NEK9: variants seen among roughly 807,000 people sequenced by gnomAD.
NEK9 encodes the protein serine/threonine-protein kinase Nek9.
A neutral mutation model predicts 123.4 loss-of-function variants in NEK9; 75 were observed. That is an observed-to-expected ratio of 0.61 (90% CI 0.50 to 0.74). NEK9 has a LOEUF of 0.74. NEK9 is among the 30% of genes least tolerant of loss of function. NEK9 has a pLI of 0.00. For missense variants in NEK9, 952 were observed against 1,214.4 expected (o/e 0.78, Z 3.21); for synonymous variants, 438 against 458.7 (o/e 0.95, Z 0.58).
In NEK9 at chr14:75,121,158, G is replaced by C; in HGVS notation, c.414C>G (p.Asp138Glu). Reference protein sequence around the residue: ...LEYCNGGNLYDKILRQKDKLF... With the variant: ...LEYCNGGNLYEKILRQKDKLF... ...ACTTGTCCTTCTGACGAAGGATTTT[G>C]TCATACAGGTTCCCTCCTGCAATTA... The change falls in exon 3 of 22, where the codon GAC becomes GAG. Residue 138 changes from aspartate (D) to glutamate (E), a missense_variant. Asp to Glu is a conservative substitution (Grantham distance 45). Around this residue, in one of 4 missense-constraint regions of NEK9, gnomAD observed 106 missense variants for 153.0 expected, o/e 0.69. Coordinates refer to ENST00000238616, the MANE Select transcript of NEK9 (RefSeq NM_033116.6). 1 of 1,613,374 alleles carries C rather than the reference G, an allele frequency of 6.2e-7. No individual in the cohort carries two copies. Among genetic ancestry groups the C allele is most frequent in the Non-Finnish European group, 8.5e-7 (1 of 1,179,354 alleles).
rs1331047397 is a variant in NEK9 at position 75,079,864 on chromosome 14, A to T, written c.*4700T>A. On this transcript the variant is annotated 3_prime_UTR_variant, in exon 22 of 22. Coordinates refer to ENST00000238616, the MANE Select transcript of NEK9 (RefSeq NM_033116.6). ...CTTGGATTTGGGATCGCTGGATGTT[A>T]GTAAGGTCATAGATCCGGGCCCTCC... 1.3e-5 allele frequency: 2 copies of T among 152,220 alleles called. No individual in the cohort carries two copies. Among genetic ancestry groups the T allele is most frequent in the Non-Finnish European group, 2.9e-5 (2 of 68,054 alleles). The allele number at this position is 152,220 out of a possible 1,614,324, so 9.4% of individuals were successfully genotyped here.
chr14:75,106,066 T>G, intron 12 of NEK9, 70 bp from the exon 13 acceptor site: 3 of 1,424,138 alleles, frequency 2.1e-6, no homozygotes, highest in Non-Finnish European at 3.0e-6. Context: ...TTCTGTAAGA[T>G]TCTCTTTTGC....
At chr14:75,121,679 G>C (rs1256289068) in intron 2 of NEK9, among the ~76,000 whole-genome samples, 2 of 152,162 alleles carry the variant, frequency 1.3e-5, no homozygotes, top group Non-Finnish European at 2.9e-5. Context: ...CAAAACCCTT[G>C]TCTCTACCAA....
chr14:75,087,160 C>T lies in NEK9; in HGVS notation c.2675G>A (p.Cys892Tyr). 6.2e-7 allele frequency: 1 copy of T among 1,614,164 alleles called. No individual in the cohort carries two copies. Among genetic ancestry groups the T allele is most frequent in the Non-Finnish European group, 8.5e-7 (1 of 1,180,036 alleles). Residue 892 changes from cysteine to tyrosine, a missense_variant, in exon 21 of 22, where the codon TGC (cysteine) becomes TAC (tyrosine). Transcript: ENST00000238616. ...CTCAACCTCCACCTGCAGAGAGCTG[C>T]ACGCACACGCAGGAGGAGTCAGTGG... ...GTPLTPPACA[C>Y]SSLQVEVERL...
At position 75,114,245 on chromosome 14, in the gene NEK9, G is replaced by T; in HGVS notation, c.831C>A (p.Tyr277Ter). ...GAACCATTTGGATCAATTCCAAAGA[G>T]TACTGGCTAGAGTCAACTTCCATGG... is the stretch of plus-strand genomic sequence containing the variant. Reference protein sequence around the residue: ...IRAMEVDSSQYSLELIQMVHS... With the variant: ...IRAMEVDSSQ Residue 277 changes from tyrosine to a stop codon, truncating the protein, a stop_gained, in exon 7 of 22, where the codon TAC becomes TAA. Transcript: ENST00000238616. LOFTEE classifies it high-confidence loss of function. 1 of 1,614,080 alleles carries T rather than the reference G, an allele frequency of 6.2e-7. No individual in the cohort carries two copies. The highest frequency in any genetic ancestry group is 8.5e-7 in the Non-Finnish European group (1 of 1,179,956).
chr14:75,107,197 G>T, intron 11 of NEK9, 146 bp downstream of exon 11: 2 of 775,406 alleles, frequency 2.6e-6, no homozygotes, highest in Non-Finnish European at 4.0e-6. Context: ...AATTTGGTAT[G>T]TTATTATTAA....
At chr14:75,110,658 A>C (rs142494902) in intron 8 of NEK9, among the ~76,000 whole-genome samples, 1 of 151,916 alleles carries the variant, frequency 6.6e-6, no homozygotes, top group Admixed American at 6.6e-5. Context: ...TCTGATGTAC[A>C]TATTTAGTAT....
intron 2 of NEK9, 105 bp downstream of exon 2, chr14:75,123,941 T>G (rs1872601978): frequency 7.5e-6 from 7 of 934,778 alleles, no homozygotes; most frequent in African/African-American, 1.6e-5. Context: ...GAAATTCATT[T>G]AAAGTTTTTA....
Position 75,087,039 on chromosome 14 carries a change from C to G in NEK9, c.2796G>C (p.Lys932Asn). ...QIFTQLQKLN[K>N]KLEGGQQVGM... ...TCACCTGCTGCCCTCCTTCTAATTT[C>G]TTGTTCAACTTCTGCAGTTGGGTAA... The change falls in exon 21 of 22, where the codon AAG (lysine) becomes AAC (asparagine). Residue 932 changes from lysine (K) to asparagine (N), a missense_variant. Coordinates refer to ENST00000238616, the MANE Select transcript of NEK9 (RefSeq NM_033116.6). The G allele has an allele frequency of 1.9e-6, 3 of 1,614,208 alleles. No individual in the cohort carries two copies. The highest frequency in any genetic ancestry group is 2.5e-6 in the Non-Finnish European group (3 of 1,180,024).
chr14:75,091,739 T>G (rs531145481), intron 18 of NEK9: 3 of 363,620 alleles, frequency 8.3e-6, no homozygotes, highest in Non-Finnish European at 1.5e-5. Context: ...CTTGTATCCA[T>G]AGCAGGTTAT....
chr14:75,123,481 T>C (rs932366926), intron 2 of NEK9, among the ~76,000 whole-genome samples: 1 of 152,136 alleles, frequency 6.6e-6, no homozygotes, highest in Admixed American at 6.5e-5. Flanking sequence ...GCCAAGGTTA[T>C]AGAGCTAGAA....
In NEK9 at chr14:75,107,416, C is replaced by T; in HGVS notation, c.1254G>A (p.Lys418=). 1 of 1,613,974 alleles carries T rather than the reference C, an allele frequency of 6.2e-7. No individual in the cohort carries two copies. Among genetic ancestry groups the T allele is most frequent in the East Asian group, 2.2e-5 (1 of 44,834 alleles). The part of the protein sequence containing the change: ...HGDKASYRQP[K]HVEKLQGKAI... ...CTTTGCCTTGCAACTTTTCCACATGCTTTGGCTGTCGATAGGAGGCTTTGT... is the reference window on the plus strand; with the variant it reads ...CTTTGCCTTGCAACTTTTCCACATGTTTTGGCTGTCGATAGGAGGCTTTGT... Residue 418 remains lysine, a synonymous_variant, in exon 11 of 22, where the codon AAG becomes AAA. Transcript: ENST00000238616.
chr14:75,106,797 A>G (rs1203998500), intron 11 of NEK9, 95 bp from the exon 12 acceptor site: 11 of 865,386 alleles, frequency 1.3e-5, no homozygotes, highest in Admixed American at 4.9e-5. Context: ...TACCCCAGCA[A>G]ATGATCTCAC....
intron 9 of NEK9, 122 bp from the exon 10 acceptor site, chr14:75,109,999 C>CA: frequency 9.8e-7 from 1 of 1,022,368 alleles, no homozygotes; most frequent in Non-Finnish European, 1.4e-6. Flanking sequence ...TGTTCTTTCT[C>CA]GACAACTTGT....
chr14:75,089,361 G>A (rs752970118), intron 19 of NEK9, among the ~76,000 whole-genome samples: 2 of 151,856 alleles, frequency 1.3e-5, no homozygotes, highest in African/African-American at 2.4e-5. Flanking sequence ...CCAAGTAGCT[G>A]GGATTACAAG....
At chr14:75,105,860 T>G in intron 13 of NEK9, 90 bp downstream of exon 13, 3 of 1,038,392 alleles carry the variant, frequency 2.9e-6, no homozygotes, top group Non-Finnish European at 4.4e-6. Flanking sequence ...AATAAATACC[T>G]TGATACAACA....
chr14:75,088,404 C>T lies in NEK9; in HGVS notation c.2604+76G>A, dbSNP rs1051107259. 2.7e-5 allele frequency: 39 copies of T among 1,467,772 alleles called. No homozygotes were observed. In the African/African-American group the frequency reaches 4.1e-4, roughly 15 times the overall value. 90.9% of individuals were successfully genotyped at this position (1,467,772 alleles called of 1,614,324 possible). A position where few individuals can be genotyped will look rare whatever the true frequency, so the allele number is the denominator to read the frequency against. On this transcript the variant is annotated intron_variant, in intron 20 of 21. Coordinates refer to ENST00000238616, the MANE Select transcript of NEK9 (RefSeq NM_033116.6). ...GGCAGCTGAAACCCAAAAGCTAGAG[C>T]GAGGCCAGAAGAACCAGGCAGAGCT... is the stretch of plus-strand genomic sequence containing the variant.
At position 75,107,447 on chromosome 14, in the gene NEK9, T is replaced by A; in HGVS notation, c.1223A>T (p.His408Leu). Reference protein sequence around the residue: ...GGTKLHGQLGHGDKASYRQPK... With the variant: ...GGTKLHGQLGLGDKASYRQPK... ...CTGTCGATAGGAGGCTTTGTCTCCA[T>A]GGCCCAGCTGACCATGGAGTTTAGT... Residue 408 changes from histidine to leucine, a missense_variant, in exon 11 of 22, where the codon CAT becomes CTT. This residue lies in a region of NEK9 where 698 missense variants were observed against 875.6 expected (regional missense o/e 0.80). Transcript: ENST00000238616. The A allele has an allele frequency of 6.2e-7, 1 of 1,613,590 alleles. No individual in the cohort carries two copies. Among genetic ancestry groups the A allele is most frequent in the South Asian group, 1.1e-5 (1 of 91,046 alleles).
chr14:75,086,270 TG>T (rs1183499744), intron 21 of NEK9, among the ~76,000 whole-genome samples: 1 of 151,586 alleles, frequency 6.6e-6, no homozygotes, highest in Non-Finnish European at 1.5e-5. Context: ...CTGTTTTAGA[TG>T]AAAAGAAATG....
Sources: gnomAD v4.1 joint callset for allele counts (sites outside exome capture counted in the v4.1 genomes callset) on GRCh38, gnomAD v4.1.1 for gene constraint, gnomAD v4.1.1 regional missense constraint, MANE v1.5 for transcripts, NCBI Gene and HGNC (gene_info 2026-07-23, HGNC 2026-07-21) for gene names.